The following NRXN3 variants were observed in gnomAD, a reference collection of about 807,000 sequenced individuals.
NRXN3 encodes the protein neurexin 3.
Under a neutral mutation model 137.6 loss-of-function variants are expected in NRXN3, and 32 were observed. The ratio of observed to expected loss-of-function variants is 0.23; its 90% CI spans 0.18 to 0.31. The LOEUF (loss-of-function observed/expected upper bound fraction) is 0.31. Ranked by LOEUF, NRXN3 falls within the 10% of genes least tolerant of loss-of-function variation. NRXN3 has a pLI of 1.00. For synonymous variants in NRXN3, 798 were observed against 784.5 expected (o/e 1.02, Z -0.29); for missense variants, 1,574 against 2,062.5 (o/e 0.76, Z 4.59).
rs1042483737 is a variant in NRXN3 at position 79,364,260 on chromosome 14, G to C, written c.3263-102961G>C. Among the ~76,000 whole-genome samples, 5 of 152,082 alleles carry C rather than the reference G, an allele frequency of 3.3e-5. No homozygotes were observed. In the South Asian group the frequency reaches 1.0e-3, roughly 32 times the overall value. On this transcript the variant is annotated intron_variant, in intron 15 of 20. Coordinates refer to ENST00000335750, the MANE Select transcript of NRXN3 (RefSeq NM_001330195.2). ...TTTTTGTCCGTGATTGCTTTCAATG[G>C]TTCTAATGACCCCATTGGAAGTCTG...
chr14:78,338,946 G>T (rs78718342), intron 4 of NRXN3, among the ~76,000 whole-genome samples: 5,280 of 152,230 alleles, frequency 0.035, 255 homozygotes, highest in African/African-American at 0.12. Context: ...GCTGAGCCTC[G>T]GATCTAGGCT....
At chr14:78,353,616 AC>A (rs1228876917) in intron 4 of NRXN3, among the ~76,000 whole-genome samples, 1 of 152,096 alleles carries the variant, frequency 6.6e-6, no homozygotes. Context: ...CTGAGAAAAA[AC>A]TATTTTGAAG....
rs535233198 is a variant in NRXN3, at chr14:78,927,510, C to T, written c.2276-29732C>T. Among the ~76,000 whole-genome samples the T allele has an allele frequency of 5.9e-5, 9 of 152,258 alleles. No homozygotes were observed. The South Asian group carries it at 1.2e-3, about 21-fold the overall frequency. ...TGAATGCTGACCTCGGCTGAAACAG[C>T]GCTGGCAGCTTCAGCAGATATATTA... On this transcript the variant is annotated intron_variant, in intron 10 of 20. Transcript: ENST00000335750.
intron 10 of NRXN3, among the ~76,000 whole-genome samples, chr14:78,911,474 A>AAAT (rs1341925896): frequency 6.6e-6 from 1 of 152,186 alleles, no homozygotes; most frequent in Non-Finnish European, 1.5e-5. Flanking sequence ...TGAACCAAGA[A>AAAT]TTATTATATT....
intron 15 of NRXN3, among the ~76,000 whole-genome samples, chr14:79,206,601 CACCTTTTCTTGTGACA>C (rs2066828103): frequency 6.6e-6 from 1 of 152,162 alleles, no homozygotes; most frequent in Non-Finnish European, 1.5e-5. Context: ...TAACTGTTAT[CACCTTTTCTTGTGACA>C]ACCCTGCCTT....
chr14:78,724,857 G>A (rs1452241182), intron 8 of NRXN3, among the ~76,000 whole-genome samples: 1 of 152,122 alleles, frequency 6.6e-6, no homozygotes, highest in African/African-American at 2.4e-5. Flanking sequence ...AAATAACCCA[G>A]CCCAACAGAG....
At chr14:78,738,629 G>A (rs764787215) in intron 8 of NRXN3, among the ~76,000 whole-genome samples, 4 of 152,154 alleles carry the variant, frequency 2.6e-5, no homozygotes, top group African/African-American at 7.2e-5. Flanking sequence ...AAAACTCTAC[G>A]CATGAAGAGG....
intron 4 of NRXN3, among the ~76,000 whole-genome samples, chr14:78,578,269 G>T (rs1296417519): frequency 6.6e-6 from 1 of 152,174 alleles, no homozygotes; most frequent in Non-Finnish European, 1.5e-5. Context: ...GGTAAGCTCT[G>T]CAGAATTAGA....
At chr14:78,525,368 A>T (rs1566637334) in intron 4 of NRXN3, among the ~76,000 whole-genome samples, 1 of 152,232 alleles carries the variant, frequency 6.6e-6, no homozygotes, top group Admixed American at 6.5e-5. Flanking sequence ...ATTGGCCCCC[A>T]TGCCTAGGTG....
chr14:78,285,177 G>A (rs534300153), intron 3 of NRXN3, among the ~76,000 whole-genome samples: 1 of 152,206 alleles, frequency 6.6e-6, no homozygotes, highest in Admixed American at 6.5e-5. Context: ...AGATACCTTG[G>A]GGAATAGCAA....
chr14:79,656,533 G>A (rs765968057), intron 16 of NRXN3, among the ~76,000 whole-genome samples: 4 of 151,998 alleles, frequency 2.6e-5, no homozygotes, highest in Admixed American at 6.6e-5. Context: ...TACTTGCATC[G>A]GCTGTCTTGT....
Position 78,885,326 on chromosome 14 carries a change from A to G in NRXN3, c.2276-71916A>G, listed in dbSNP as rs2099140481. Among the ~76,000 whole-genome samples the G allele has an allele frequency of 1.3e-5, 2 of 151,832 alleles. 1 individual carries two copies. The highest frequency in any genetic ancestry group is 4.1e-4 in the South Asian group (2 of 4,830). ...TATCAGTAATATTATCAGTAATAGA[A>G]TAAGACCTACAAAAAAGGGTAGGGG... On this transcript the variant is annotated intron_variant, in intron 10 of 20. Transcript: ENST00000335750.
chr14:79,367,206 A>C (rs912135010), intron 15 of NRXN3, among the ~76,000 whole-genome samples: 13 of 151,970 alleles, frequency 8.6e-5, no homozygotes, highest in African/African-American at 2.7e-4. Context: ...GATGGTCTCG[A>C]TCTCCTGACC....
intron 10 of NRXN3, among the ~76,000 whole-genome samples, chr14:78,876,421 C>T (rs149500896): frequency 2.6e-5 from 4 of 152,216 alleles, no homozygotes; most frequent in South Asian, 2.1e-4. Flanking sequence ...CATGTATTTG[C>T]GGATTTATTT....
At chr14:79,508,829 C>T (rs1386890388) in intron 16 of NRXN3, among the ~76,000 whole-genome samples, 2 of 152,164 alleles carry the variant, frequency 1.3e-5, no homozygotes, top group African/African-American at 2.4e-5. Context: ...GGCTTGATTA[C>T]ATTTTAGGAA....
At chr14:78,217,650 T>A (rs1224640786) in intron 1 of NRXN3, among the ~76,000 whole-genome samples, 2 of 152,218 alleles carry the variant, frequency 1.3e-5, no homozygotes, top group African/African-American at 4.8e-5. Context: ...ATTCTCTTAA[T>A]GTATATAAAT....
chr14:79,145,522 C>A (rs1037808850), intron 15 of NRXN3, among the ~76,000 whole-genome samples: 1 of 151,964 alleles, frequency 6.6e-6, no homozygotes, highest in Non-Finnish European at 1.5e-5. Flanking sequence ...TTTAATGAGC[C>A]GTTGTAGAGC....
chr14:79,086,284 G>T (rs1460753932), intron 15 of NRXN3, among the ~76,000 whole-genome samples: 1 of 152,098 alleles, frequency 6.6e-6, no homozygotes, highest in African/African-American at 2.4e-5. Context: ...TCAAGGCCGT[G>T]TATCTGGTTA....
At chr14:79,151,440 C>T (rs1568438768) in intron 15 of NRXN3, among the ~76,000 whole-genome samples, 1 of 152,038 alleles carries the variant, frequency 6.6e-6, no homozygotes, top group African/African-American at 2.4e-5. Flanking sequence ...CAGAACAGAA[C>T]GCCACTCATC....
Sources: allele counts gnomAD v4.1 joint callset (sites outside exome capture counted in the v4.1 genomes callset), GRCh38; gene constraint gnomAD v4.1.1; transcripts MANE v1.5; gene names NCBI Gene and HGNC (gene_info 2026-07-23, HGNC 2026-07-21).